ADAMTS20: variants seen among roughly 807,000 people sequenced by gnomAD.
The protein encoded by ADAMTS20 is ADAM metallopeptidase with thrombospondin type 1 motif 20, also known as A disintegrin and metalloproteinase with thrombospondin motifs 20.
ADAMTS20 carries 225 observed loss-of-function variants against 260.1 expected under a neutral mutation model. The ratio of observed to expected loss-of-function variants is 0.87; its 90% confidence interval spans 0.78 to 0.97. The LOEUF (loss-of-function observed/expected upper bound fraction) is 0.97, where lower values mean the gene tolerates loss of function less well. ADAMTS20 is among the 50% of genes least tolerant of loss of function. The pLI is 0.00. For synonymous variants in ADAMTS20, 802 were observed against 769.5 expected, an observed-to-expected ratio of 1.04 and a Z score of -0.70; for missense variants, 2,400 against 2,337.7, an observed-to-expected ratio of 1.03 and a Z score of -0.55.
Position 43,551,437 on chromosome 12 carries a change from G to A in ADAMTS20, c.92-167C>T, listed in dbSNP as rs1943515309. 6.6e-6 allele frequency among the ~76,000 whole-genome samples: 1 copy of A among 152,048 alleles called. No individual in the cohort carries two copies. Among genetic ancestry groups the A allele is most frequent in the South Asian group, 2.1e-4 (1 of 4,826 alleles). On this transcript the variant is annotated intron_variant, in intron 1 of 38. Coordinates refer to ENST00000389420, the MANE Select transcript of ADAMTS20 (RefSeq NM_025003.5). The surrounding 1 kb of genome is among the most constrained non-coding windows in gnomAD (Gnocchi z 4.6). ...CACGCACACACACACACGTGCACTG[G>A]GACGGTTAGTGCTCTGCTTTCCCAC... is the stretch of plus-strand genomic sequence containing the variant.
At chr12:43,438,780 A>G (rs1214155860) in intron 18 of ADAMTS20, among the ~76,000 whole-genome samples, 1 of 152,114 alleles carries the variant, frequency 6.6e-6, no homozygotes, top group East Asian at 1.9e-4. Context: ...TCTATTCTTC[A>G]TGAAAACTTT....
At chr12:43,428,187 G>A in intron 26 of ADAMTS20, 54 bp downstream of exon 26, 1 of 1,552,794 alleles carries the variant, frequency 6.4e-7, no homozygotes. Context: ...CCTGTTAAAA[G>A]GATGTAATAT....
At chr12:43,362,325 G>A (rs75011583) in intron 37 of ADAMTS20, among the ~76,000 whole-genome samples, 3,420 of 152,276 alleles carry the variant, frequency 0.022, 57 homozygotes, top group East Asian at 0.085. Flanking sequence ...GGACTCAGCA[G>A]AGAAAGGACA....
rs575177970 is a variant in ADAMTS20, at chr12:43,506,572, C to T, written c.614-4167G>A. 1.1e-4 allele frequency among the ~76,000 whole-genome samples: 16 copies of T among 151,862 alleles called. No homozygotes were observed. The South Asian group carries it at 1.3e-3, about 12-fold the overall frequency. On this transcript the variant is annotated intron_variant, in intron 3 of 38. Coordinates refer to ENST00000389420, the MANE Select transcript of ADAMTS20 (RefSeq NM_025003.5). The stretch of plus-strand genomic sequence containing the variant: ...TCGGCTCACTGCAACCTCCGCTTCT[C>T]GGCTTCAAGCAATTCTCCTGCCTCG...
At chr12:43,421,307 T>A (rs993088553) in intron 28 of ADAMTS20, among the ~76,000 whole-genome samples, 227 of 145,352 alleles carry the variant, frequency 1.6e-3, no homozygotes, top group East Asian at 1.0e-3. Context: ...AACTTTCTCT[T>A]TTTTTGTGTG....
chr12:43,356,195 G>C (rs1355797341), intron 38 of ADAMTS20, among the ~76,000 whole-genome samples: 1 of 152,070 alleles, frequency 6.6e-6, no homozygotes, highest in Admixed American at 6.6e-5. Flanking sequence ...CCAAACTTGA[G>C]ATAGACAAAA....
Position 43,439,657 on chromosome 12 carries a change from T to C in ADAMTS20, c.2558A>G (p.Tyr853Cys), listed in dbSNP as rs553250127. The C allele has an allele frequency of 6.2e-6, 10 of 1,613,646 alleles. No individual in the cohort carries two copies. Among genetic ancestry groups the C allele is most frequent in the East Asian group, 4.5e-5 (2 of 44,860 alleles). Residue 853 changes from tyrosine to cysteine, a missense_variant, in exon 18 of 39, where the codon TAT becomes TGT. Coordinates refer to ENST00000389420, the MANE Select transcript of ADAMTS20 (RefSeq NM_025003.5). ...ERSDMFTWDP[Y>C]GPWEGCTKMC... Reference sequence around the variant, plus strand: ...TTTGGTACAGCCTTCCCATGGTCCATAGGGGTCCCATGTGAACATGTCACT... The same window carrying C: ...TTTGGTACAGCCTTCCCATGGTCCACAGGGGTCCCATGTGAACATGTCACT...
chr12:43,375,246 A>T (rs568620974), intron 36 of ADAMTS20, 133 bp downstream of exon 36: 16 of 865,286 alleles, frequency 1.8e-5, no homozygotes, highest in African/African-American at 8.8e-5. Flanking sequence ...AACTGTTTTT[A>T]AAAAAAGTAA....
At position 43,551,870 on chromosome 12, in the gene ADAMTS20, T is replaced by C. The variant is rs1943523294; in HGVS notation, c.52A>G (p.Ile18Val). ...AAGTCAACTTCCCAAGACCTGGTGATGAAGAGCGAGAGATGGTAGAGCAGC... is the reference window on the plus strand; with the variant it reads ...AAGTCAACTTCCCAAGACCTGGTGACGAAGAGCGAGAGATGGTAGAGCAGC... The part of the protein sequence containing the change: ...TGLLYHLSLF[I>V]TRSWEVDFHP... The change falls in exon 1 of 39, where the codon ATC (isoleucine) becomes GTC (valine). Residue 18 changes from isoleucine to valine, a missense_variant. Coordinates refer to ENST00000389420, the MANE Select transcript of ADAMTS20 (RefSeq NM_025003.5). This position sits in a 1 kb window ranked among gnomAD's most constrained non-coding sequence, Gnocchi z 4.6. 6.2e-6 allele frequency: 10 copies of C among 1,613,614 alleles called. No homozygotes were observed. Among genetic ancestry groups the C allele is most frequent in the Non-Finnish European group, 7.6e-6 (9 of 1,179,760 alleles).
At chr12:43,370,689 T>C (rs1940088335) in intron 36 of ADAMTS20, among the ~76,000 whole-genome samples, 1 of 152,220 alleles carries the variant, frequency 6.6e-6, no homozygotes, top group African/African-American at 2.4e-5. Context: ...TTTAACATGT[T>C]CAAAGCTAAA....
chr12:43,503,189 C>G (rs892919578), intron 3 of ADAMTS20, among the ~76,000 whole-genome samples: 5 of 152,130 alleles, frequency 3.3e-5, no homozygotes, highest in Non-Finnish European at 7.3e-5. Context: ...CTATTTCTCT[C>G]CCCTTCATTT....
intron 37 of ADAMTS20, among the ~76,000 whole-genome samples, chr12:43,368,867 A>T (rs1283964107): frequency 6.6e-6 from 1 of 152,142 alleles, no homozygotes; most frequent in Non-Finnish European, 1.5e-5. Context: ...AAATGTATTC[A>T]ATATACATTT....
At chr12:43,358,943 G>A (rs1347685995) in intron 37 of ADAMTS20, among the ~76,000 whole-genome samples, 2 of 141,824 alleles carry the variant, frequency 1.4e-5, no homozygotes, top group Non-Finnish European at 3.0e-5. Context: ...AAGTGAGTGT[G>A]AATAAGTGTG....
chr12:43,389,331 T>C (rs547414686), intron 29 of ADAMTS20, among the ~76,000 whole-genome samples: 31 of 152,248 alleles, frequency 2.0e-4, no homozygotes, highest in Non-Finnish European at 4.4e-4. Flanking sequence ...AGGCAAGCCA[T>C]AGGGTAGACA....
rs555540979 is a variant in ADAMTS20, at chr12:43,360,758, A to G, written c.5539-4170T>C. 1.7e-3 allele frequency among the ~76,000 whole-genome samples: 258 copies of G among 152,312 alleles called. 3 individuals are homozygous for G. The highest frequency in any genetic ancestry group is 6.1e-3 in the African/African-American group (252 of 41,568). ...CAGTAACAAGAGAGATCACATGAACAAAAGTAAGGACATGATCTAAACAAT... is the reference window on the plus strand; with the variant it reads ...CAGTAACAAGAGAGATCACATGAACGAAAGTAAGGACATGATCTAAACAAT... On this transcript the variant is annotated intron_variant, in intron 37 of 38. Coordinates refer to ENST00000389420, the MANE Select transcript of ADAMTS20 (RefSeq NM_025003.5).
At chr12:43,478,527 T>A (rs1460457749) in intron 7 of ADAMTS20, among the ~76,000 whole-genome samples, 2 of 151,996 alleles carry the variant, frequency 1.3e-5, no homozygotes, top group East Asian at 3.9e-4. Context: ...GATATAGGAC[T>A]CATGACATAG....
At chr12:43,482,646 A>G (rs1463111111) in intron 7 of ADAMTS20, among the ~76,000 whole-genome samples, 3 of 152,202 alleles carry the variant, frequency 2.0e-5, no homozygotes, top group Non-Finnish European at 2.9e-5. Context: ...GCCAGAGCAC[A>G]GACTTGCCTG....
rs1320671785 is a variant in ADAMTS20, at chr12:43,430,423, C to T, written c.3310G>A (p.Val1104Ile). Residue 1104 changes from valine (V) to isoleucine (I), a missense_variant, in exon 23 of 39, where the codon GTC (valine) becomes ATC (isoleucine). Val to Ile is a conservative substitution (Grantham distance 29). Coordinates refer to ENST00000389420, the MANE Select transcript of ADAMTS20 (RefSeq NM_025003.5). ...HGYQMRDVKCVNELASAVLED... is the reference protein window; with the variant it reads ...HGYQMRDVKCINELASAVLED... ...AACACTGCACTAGCTAGCTCATTGA[C>T]ACATTTAACATCTCGCATCTGATAC... 6.2e-7 allele frequency: 1 copy of T among 1,613,240 alleles called. No homozygotes were observed.
At chr12:43,510,922 T>C (rs12315081) in intron 3 of ADAMTS20, among the ~76,000 whole-genome samples, 1 of 152,100 alleles carries the variant, frequency 6.6e-6, no homozygotes, top group African/African-American at 2.4e-5. Context: ...TATTTAAACA[T>C]GCAAAGCTGA....
Sources: gnomAD v4.1 joint callset for allele counts (sites outside exome capture counted in the v4.1 genomes callset) on GRCh38, gnomAD v4.1.1 for gene constraint, Gnocchi (gnomAD v3.1) non-coding constraint, MANE v1.5 for transcripts, NCBI Gene and HGNC (gene_info 2026-07-23, HGNC 2026-07-21) for gene names.